The following JAML variants were observed in gnomAD, a reference collection of about 807,000 sequenced individuals.
The protein encoded by JAML is junctional adhesion molecule-like.
In JAML, 25 loss-of-function variants were observed where a neutral mutation model predicts 39.3. The ratio of observed to expected loss-of-function variants is 0.64; its 90% CI spans 0.46 to 0.89. The LOEUF is 0.89. Among genes scored for constraint, JAML ranks in the 40% least tolerant of loss-of-function variants. The pLI is 0.00. For synonymous variants in JAML, 162 were observed against 179.2 expected (o/e 0.90, Z 0.77); for missense variants, 440 against 486.9 (o/e 0.90, Z 0.91).
chr11:118,205,035 C>T (rs998588621), intron 5 of JAML: 1 of 152,122 alleles, frequency 6.6e-6, no homozygotes, highest in African/African-American at 2.4e-5. Context: ...CAATGGATGA[C>T]ATTTAAATGT....
intron 1 of JAML, among the ~76,000 whole-genome samples, chr11:118,219,427 G>A (rs1949185509): frequency 6.6e-6 from 1 of 152,140 alleles, no homozygotes; most frequent in South Asian, 2.1e-4. Context: ...CCCAGGTGAG[G>A]AAGAACAATG....
intron 9 of JAML, among the ~76,000 whole-genome samples, chr11:118,195,501 G>A (rs1397067265): frequency 6.6e-6 from 1 of 152,004 alleles, no homozygotes; most frequent in Admixed American, 6.6e-5. Context: ...TCTACAAATA[G>A]CACCGTGCTC....
chr11:118,200,414 G>C, intron 7 of JAML, 60 bp downstream of exon 7: 2 of 1,590,494 alleles, frequency 1.3e-6, no homozygotes, highest in Non-Finnish European at 8.6e-7. Flanking sequence ...TTCTACTTTG[G>C]GGTAGAGGCA....
At chr11:118,198,117 A>G (rs1948699487) in intron 7 of JAML, 26 bp from the exon 8 acceptor site, 1 of 1,598,060 alleles carries the variant, frequency 6.3e-7, no homozygotes, top group Non-Finnish European at 8.6e-7. Flanking sequence ...AGCATGTGGA[A>G]TTAACCAGCG....
rs537331067 is a variant in JAML, at chr11:118,222,857, G to A, written c.-21+2084C>T. Among the ~76,000 whole-genome samples, 18 of 152,296 alleles carry A rather than the reference G, an allele frequency of 1.2e-4. No individual in the cohort carries two copies. In the East Asian group the frequency reaches 3.3e-3, roughly 28 times the overall value. ...CGCCTGTCATCCCAGAACTTTGGGA[G>A]GCTGAGGTGGGGAGATCACTTGAGG... On this transcript the variant is annotated intron_variant, in intron 1 of 9. Coordinates refer to ENST00000356289, the MANE Select transcript of JAML (RefSeq NM_001098526.2). This position sits in a 1 kb window ranked among gnomAD's most constrained non-coding sequence, Gnocchi z 4.2.
intron 7 of JAML, among the ~76,000 whole-genome samples, chr11:118,199,486 G>A (rs1411804338): frequency 6.6e-6 from 1 of 152,006 alleles, no homozygotes; most frequent in Admixed American, 6.6e-5. Context: ...CTATTCATGA[G>A]GCCCTTTCCC....
At chr11:118,200,324 TG>T in intron 7 of JAML, 149 bp downstream of exon 7, 1 of 913,584 alleles carries the variant, frequency 1.1e-6, no homozygotes, top group Non-Finnish European at 1.6e-6. Context: ...GTAAGCAAAG[TG>T]GGCAGGGTTA....
intron 1 of JAML, chr11:118,223,994 CTCACAGAGTG>C (rs1459608929): frequency 6.6e-6 from 1 of 152,212 alleles, no homozygotes; most frequent in Non-Finnish European, 1.5e-5. Flanking sequence ...CCTTCTTTTA[CTCACAGAGTG>C]TTGTCCACCT....
chr11:118,219,326 G>A (rs1949184215), intron 1 of JAML, among the ~76,000 whole-genome samples: 2 of 152,190 alleles, frequency 1.3e-5, no homozygotes, highest in South Asian at 4.1e-4. Context: ...TTATTGGTAG[G>A]AATGCAAACT....
intron 1 of JAML, among the ~76,000 whole-genome samples, chr11:118,216,810 T>C (rs371907312): frequency 2.0e-5 from 3 of 152,312 alleles, no homozygotes; most frequent in South Asian, 2.1e-4. Flanking sequence ...AGGAGTCACA[T>C]AGATTCCCCT....
intron 7 of JAML, among the ~76,000 whole-genome samples, chr11:118,199,860 C>A (rs1490173362): frequency 1.3e-5 from 2 of 151,884 alleles, no homozygotes; most frequent in Non-Finnish European, 2.9e-5. Flanking sequence ...CCACGTCCAG[C>A]TAATTTTTTG....
At chr11:118,213,677 A>G (rs1237538225) in intron 2 of JAML, among the ~76,000 whole-genome samples, 1 of 152,222 alleles carries the variant, frequency 6.6e-6, no homozygotes, top group East Asian at 1.9e-4. Flanking sequence ...CAAAGCAAAG[A>G]GAAACTGATG....
At chr11:118,199,699 T>A (rs60185650) in intron 7 of JAML, among the ~76,000 whole-genome samples, 19,713 of 124,470 alleles carry the variant, frequency 0.16, 1,263 homozygotes, top group Middle Eastern at 0.24. Flanking sequence ...TATTATTTTT[T>A]TTTTTTTTTT....
intron 6 of JAML, chr11:118,202,402 T>C (rs1478405797): frequency 5.8e-5 from 9 of 154,566 alleles, no homozygotes; most frequent in Admixed American, 5.7e-4. Context: ...AACGTATCCA[T>C]TGAATGGTAG....
chr11:118,209,715 TA>T (rs1285846038), intron 4 of JAML, among the ~76,000 whole-genome samples: 3 of 151,756 alleles, frequency 2.0e-5, no homozygotes, highest in East Asian at 3.9e-4. Context: ...TTTTATTTTT[TA>T]TTTTTTTTAG....
intron 2 of JAML, chr11:118,213,211 C>T: frequency 7.6e-7 from 1 of 1,319,174 alleles, no homozygotes; most frequent in Non-Finnish European, 9.7e-7. Flanking sequence ...CTCTATGTTG[C>T]TCAAGCAATT....
chr11:118,216,032 T>C (rs1949136175), intron 1 of JAML, among the ~76,000 whole-genome samples: 1 of 152,140 alleles, frequency 6.6e-6, no homozygotes, highest in Non-Finnish European at 1.5e-5. Flanking sequence ...CCCACCCAGC[T>C]CTGCTAGGAC....
Position 118,198,042 on chromosome 11 carries a change from C to T in JAML, c.961G>A (p.Glu321Lys), listed in dbSNP as rs139352792. The change falls in exon 8 of 10, where the codon GAG (glutamate) becomes AAG (lysine). Residue 321 changes from glutamate (E) to lysine (K), a missense_variant. By Grantham distance (56) the Glu-to-Lys change is moderately conservative. Coordinates refer to ENST00000356289, the MANE Select transcript of JAML (RefSeq NM_001098526.2). The part of the protein sequence containing the change: ...LVKNTKKTNP[E>K]IKEKPCHFER... ...AAATGGCAGGGTTTTTCTTTTATCT[C>T]TGGATTAGTCTTCTTCGTGTTCTTC... The T allele has an allele frequency of 6.2e-5, 100 of 1,614,110 alleles. No homozygotes were observed. The highest frequency in any genetic ancestry group is 4.9e-4 in the Middle Eastern group (3 of 6,084).
chr11:118,203,800 T>A (rs962834911), intron 5 of JAML, 135 bp from the exon 6 acceptor site: 3 of 721,130 alleles, frequency 4.2e-6, no homozygotes, highest in East Asian at 5.1e-5. Context: ...TCAGAAAGCA[T>A]TAAATAACAC....
Sources: gnomAD v4.1 joint callset for allele counts (sites outside exome capture counted in the v4.1 genomes callset) on GRCh38, gnomAD v4.1.1 for gene constraint, Gnocchi (gnomAD v3.1) non-coding constraint, MANE v1.5 for transcripts, NCBI Gene and HGNC (gene_info 2026-07-23, HGNC 2026-07-21) for gene names.